Variants in DET1 observed in about 807,000 individuals in gnomAD.
DET1 encodes DET1 homolog.
A neutral mutation model predicts 43.7 loss-of-function variants in DET1; 22 were observed. That is an observed-to-expected ratio of 0.50 (90% CI 0.36 to 0.72). The LOEUF (loss-of-function observed/expected upper bound fraction) is 0.72. Ranked by LOEUF, DET1 falls within the 30% of genes least tolerant of loss-of-function variation. DET1 has a pLI of 0.00. For synonymous variants in DET1, 315 were observed against 266.2 expected, an observed-to-expected ratio of 1.18 and a Z score of -1.79; for missense variants, 713 against 713.3, an observed-to-expected ratio of 1.00 and a Z score of 0.00.
chr15:88,523,264 G>C (rs2056552585), intron 3 of DET1, among the ~76,000 whole-genome samples: 1 of 152,030 alleles, frequency 6.6e-6, no homozygotes, highest in African/African-American at 2.4e-5. Flanking sequence ...CATGATCCTT[G>C]GTGACCATTT....
At chr15:88,521,926 A>G (rs2056501473) in intron 3 of DET1, among the ~76,000 whole-genome samples, 1 of 150,580 alleles carries the variant, frequency 6.6e-6, no homozygotes, top group Admixed American at 6.7e-5. Flanking sequence ...GTGCGCTGAT[A>G]AAGGTTTAAT....
chr15:88,516,820 G>C lies in DET1; in HGVS notation c.1425C>G (p.Val475=), dbSNP rs1244307842. The C allele has an allele frequency of 1.2e-6, 2 of 1,607,938 alleles. No individual in the cohort carries two copies. The highest frequency in any genetic ancestry group is 1.7e-6 in the Non-Finnish European group (2 of 1,177,682). The change falls in exon 4 of 5, where the codon GTC becomes GTG. Residue 475 remains valine (V), a synonymous_variant. Coordinates refer to ENST00000268148, the MANE Select transcript of DET1 (RefSeq NM_001144074.3). The surrounding 1 kb of genome is among the most constrained non-coding windows in gnomAD (Gnocchi z 4.4). ...LFSYDDKWVS[V]MERPKTCGDH... is the part of the protein sequence containing the mutation. ...CTCCACAAGTCTTGGGCCGCTCCAT[G>C]ACAGATACCCACTTGTCATCATAAC...
intron 1 of DET1, chr15:88,546,291 G>A (rs1427883734): frequency 6.6e-6 from 1 of 152,578 alleles, no homozygotes; most frequent in Non-Finnish European, 1.5e-5. Flanking sequence ...TTCCCTATGG[G>A]AGAAGGTGCA....
intron 1 of DET1, among the ~76,000 whole-genome samples, chr15:88,535,997 G>A (rs183390915): frequency 9.2e-5 from 14 of 152,204 alleles, no homozygotes; most frequent in African/African-American, 2.9e-4. Context: ...GCACATCATA[G>A]CTAAAATGGA....
At chr15:88,503,038 TG>T (rs2056103963) in intron 8 of DET1, 1 of 152,044 alleles carries the variant, frequency 6.6e-6, no homozygotes, top group East Asian at 1.9e-4. Context: ...CCAAGGCAGG[TG>T]GATCACTTGA....
At position 88,530,907 on chromosome 15, in the gene DET1, T is replaced by C; in HGVS notation, c.799A>G (p.Thr267Ala). The C allele has an allele frequency of 6.2e-7, 1 of 1,613,968 alleles. No homozygotes were observed. Among genetic ancestry groups the C allele is most frequent in the Non-Finnish European group, 8.5e-7 (1 of 1,179,890 alleles). ...ACCTCAGGGAAAACAGCTGACACAGTGAGCAGGTCATCCTCATAGCAAAAG... is the reference window on the plus strand; with the variant it reads ...ACCTCAGGGAAAACAGCTGACACAGCGAGCAGGTCATCCTCATAGCAAAAG... Reference protein sequence around the residue: ...GRFCYEDDLLTVSAVFPEVQR... With the variant: ...GRFCYEDDLLAVSAVFPEVQR... Residue 267 changes from threonine to alanine, a missense_variant, in exon 2 of 5, where the codon ACT (threonine) becomes GCT (alanine). By Grantham distance (58) the Thr-to-Ala change is moderately conservative (BLOSUM62 0). Transcript: ENST00000268148.
At chr15:88,518,815 T>C (rs8039074) in intron 3 of DET1, among the ~76,000 whole-genome samples, 10,762 of 152,244 alleles carry the variant, frequency 0.071, 1,302 homozygotes, top group African/African-American at 0.24. Context: ...GGGGGTAATT[T>C]TTATTTTCAC....
At position 88,527,582 on chromosome 15, in the gene DET1, C is replaced by A; in HGVS notation, c.1271+17G>T. ...TTTTCTAAAGAAAAGACTGTTGAGT[C>A]TGGTGGAACAGCTTACCGGCGCTGG... On this transcript the variant is annotated intron_variant, in intron 3 of 4. Transcript: ENST00000268148. The A allele has an allele frequency of 1.9e-6, 3 of 1,571,380 alleles. No individual in the cohort carries two copies. The highest frequency in any genetic ancestry group is 2.3e-5 in the East Asian group (1 of 43,608).
rs185404725 is a variant in DET1, at chr15:88,542,512, G to A, written c.-11+4028C>T. On this transcript the variant is annotated intron_variant, in intron 1 of 4. Coordinates refer to ENST00000268148, the MANE Select transcript of DET1 (RefSeq NM_001144074.3). ...CCCGGTGGCTCCCGAAAATAGCCAC[G>A]CTCTTAATTTGGCATTTGAGGCTCA... Among the ~76,000 whole-genome samples the A allele has an allele frequency of 6.1e-3, 921 of 152,218 alleles. 9 individuals are homozygous for A. The highest frequency in any genetic ancestry group is 0.025 in the South Asian group (119 of 4,826).
chr15:88,523,809 C>T (rs1279897456), intron 3 of DET1, among the ~76,000 whole-genome samples: 1 of 152,208 alleles, frequency 6.6e-6, no homozygotes, highest in Non-Finnish European at 1.5e-5. Context: ...CTCCCAGCCG[C>T]CTGCCTTGGC....
intron 2 of DET1, among the ~76,000 whole-genome samples, chr15:88,528,994 G>C (rs1037101715): frequency 6.6e-6 from 1 of 152,146 alleles, no homozygotes; most frequent in African/African-American, 2.4e-5. Flanking sequence ...AATTAAACTG[G>C]AGGAGGAGAG....
intron 1 of DET1, among the ~76,000 whole-genome samples, chr15:88,537,117 G>C (rs150270031): frequency 3.0e-4 from 46 of 152,312 alleles, no homozygotes; most frequent in African/African-American, 1.1e-3. Flanking sequence ...CAAACTGCTA[G>C]TCACACCTCA....
intron 3 of DET1, among the ~76,000 whole-genome samples, chr15:88,524,288 C>T (rs919817559): frequency 1.3e-5 from 2 of 151,948 alleles, no homozygotes; most frequent in African/African-American, 2.4e-5. Flanking sequence ...GGCAGCCGCC[C>T]CATCTGGGAA....
chr15:88,534,619 G>A (rs1015035756), intron 1 of DET1, among the ~76,000 whole-genome samples: 1 of 152,142 alleles, frequency 6.6e-6, no homozygotes, highest in Admixed American at 6.5e-5. Flanking sequence ...CACACGTGTG[G>A]ATCTGGTCCA....
chr15:88,544,687 C>T (rs2057200742), intron 1 of DET1, among the ~76,000 whole-genome samples: 1 of 152,174 alleles, frequency 6.6e-6, no homozygotes, highest in Admixed American at 6.5e-5. Context: ...TGCTTAGATT[C>T]ATCACTCCTG....
intron 1 of DET1, among the ~76,000 whole-genome samples, chr15:88,542,963 T>G (rs1030348591): frequency 1.3e-5 from 2 of 152,178 alleles, no homozygotes; most frequent in African/African-American, 4.8e-5. Context: ...GACAGGGCCG[T>G]GAGATACTGT....
chr15:88,525,292 T>A (rs1438743838), intron 3 of DET1, among the ~76,000 whole-genome samples: 3 of 152,208 alleles, frequency 2.0e-5, no homozygotes, highest in East Asian at 1.9e-4. Flanking sequence ...GAAAAAAAAA[T>A]TTAAAAATCG....
chr15:88,536,186 A>C (rs976718982), intron 1 of DET1: 128 of 631,582 alleles, frequency 2.0e-4, no homozygotes, highest in Admixed American at 8.3e-5. Context: ...TCATCATTCA[A>C]GTCTCAGCTA....
intron 3 of DET1, among the ~76,000 whole-genome samples, chr15:88,519,047 A>G (rs1160284174): frequency 1.3e-5 from 2 of 149,266 alleles, no homozygotes; most frequent in East Asian, 4.0e-4. Context: ...AAGACCTGGC[A>G]CCATCTCATC....
Sources: gnomAD v4.1 joint callset for allele counts (sites outside exome capture counted in the v4.1 genomes callset) on GRCh38, gnomAD v4.1.1 for gene constraint, Gnocchi (gnomAD v3.1) non-coding constraint, MANE v1.5 for transcripts, NCBI Gene and HGNC (gene_info 2026-07-23, HGNC 2026-07-21) for gene names.